Variants in FUT8 observed in about 807,000 individuals in gnomAD.
FUT8 encodes the protein alpha-(1,6)-fucosyltransferase.
In FUT8, 29 loss-of-function variants were observed where a neutral mutation model predicts 71.3. The ratio of observed to expected loss-of-function variants is 0.41; its 90% CI spans 0.30 to 0.55. The LOEUF (loss-of-function observed/expected upper bound fraction) is 0.55, where lower values mean the gene tolerates loss of function less well. Among genes scored for constraint, FUT8 ranks in the 20% least tolerant of loss-of-function variants. The pLI, the probability that FUT8 is intolerant of heterozygous loss-of-function variation, is 0.34. For synonymous variants in FUT8, 254 were observed against 239.3 expected (o/e 1.06, Z -0.57); for missense variants, 544 against 702.1 (o/e 0.77, Z 2.55).
chr14:65,535,327 C>G (rs1884235383), intron 2 of FUT8, among the ~76,000 whole-genome samples: 1 of 152,094 alleles, frequency 6.6e-6, no homozygotes. Flanking sequence ...TCTCGAACTC[C>G]TGGCCTCAAG....
intron 9 of FUT8, among the ~76,000 whole-genome samples, chr14:65,729,449 G>A (rs372360665): frequency 2.0e-5 from 3 of 151,694 alleles, no homozygotes; most frequent in South Asian, 2.1e-4. Flanking sequence ...ATGCTATGAC[G>A]TATGCCTAAA....
intron 1 of FUT8, among the ~76,000 whole-genome samples, chr14:65,428,636 G>C (rs1418511879): frequency 6.6e-6 from 1 of 152,204 alleles, no homozygotes; most frequent in Non-Finnish European, 1.5e-5. Context: ...ATCAAGATGG[G>C]TGATTAAACA....
intron 2 of FUT8, among the ~76,000 whole-genome samples, chr14:65,498,438 T>C (rs1441499580): frequency 1.3e-5 from 2 of 152,230 alleles, no homozygotes; most frequent in East Asian, 3.8e-4. Flanking sequence ...TCTGTAGTTT[T>C]GTTCATTATC....
chr14:65,403,665 A>G, the FUT8 span, among the ~76,000 whole-genome samples: 562 of 151,912 alleles, frequency 3.7e-3, 4 homozygotes, highest in East Asian at 0.036. Context: ...AAAGCTGAAC[A>G]TTGGAACTTT....
chr14:65,611,213 GCGCGCGCGCGCACACACACACACA>G (rs1566851016), intron 3 of FUT8, among the ~76,000 whole-genome samples: 2 of 6,248 alleles, frequency 3.2e-4, no homozygotes, highest in Non-Finnish European at 9.3e-4. Context: ...GCGCGCGCGC[GCGCGCGCGCGCACACACACACACA>G]CACACACACA....
chr14:65,490,909 C>T (rs149666614), intron 2 of FUT8, among the ~76,000 whole-genome samples: 204 of 152,242 alleles, frequency 1.3e-3, no homozygotes, highest in African/African-American at 4.4e-3. Context: ...CTTGGATTCT[C>T]ACCACAGTTT....
At chr14:65,589,053 A>G (rs890269259) in intron 3 of FUT8, among the ~76,000 whole-genome samples, 1 of 151,084 alleles carries the variant, frequency 6.6e-6, no homozygotes, top group Non-Finnish European at 1.5e-5. Flanking sequence ...TCTTTCCCCT[A>G]CTCCCTCCTT....
intron 3 of FUT8, among the ~76,000 whole-genome samples, chr14:65,572,929 A>G (rs544149240): frequency 1.6e-4 from 24 of 152,292 alleles, no homozygotes; most frequent in African/African-American, 5.3e-4. Flanking sequence ...TGTGAATAGC[A>G]TTTTCTTCAA....
At chr14:65,469,663 A>C (rs1382121605) in intron 2 of FUT8, among the ~76,000 whole-genome samples, 1 of 152,166 alleles carries the variant, frequency 6.6e-6, no homozygotes, top group African/African-American at 2.4e-5. Flanking sequence ...TGTCTCATCC[A>C]GTGTTCAGCT....
intron 7 of FUT8, among the ~76,000 whole-genome samples, chr14:65,712,907 A>G (rs1210954023): frequency 6.6e-6 from 1 of 152,216 alleles, no homozygotes; most frequent in African/African-American, 2.4e-5. Flanking sequence ...TTTATGTTAC[A>G]AACAATCCAA....
intron 1 of FUT8, among the ~76,000 whole-genome samples, chr14:65,436,009 GC>G (rs2065553052): frequency 6.7e-6 from 1 of 148,464 alleles, no homozygotes; most frequent in South Asian, 2.1e-4. Flanking sequence ...ACTCACTGTA[GC>G]CTCAGACGAC....
At chr14:65,695,455 A>T (rs1014850959) in intron 7 of FUT8, among the ~76,000 whole-genome samples, 1 of 152,008 alleles carries the variant, frequency 6.6e-6, no homozygotes, top group African/African-American at 2.4e-5. Flanking sequence ...TCATTTTTTT[A>T]AAAACTTTTT....
chr14:65,486,907 C>T (rs929852621), intron 2 of FUT8, among the ~76,000 whole-genome samples: 1 of 152,122 alleles, frequency 6.6e-6, no homozygotes, highest in African/African-American at 2.4e-5. Flanking sequence ...TTTTCTATTG[C>T]ATATTTCCCT....
At chr14:65,481,599 C>T (rs1298123592) in intron 2 of FUT8, among the ~76,000 whole-genome samples, 4 of 152,110 alleles carry the variant, frequency 2.6e-5, no homozygotes, top group Non-Finnish European at 2.9e-5. Flanking sequence ...CCCTTGTAAT[C>T]TTTTCCCCCA....
intron 2 of FUT8, among the ~76,000 whole-genome samples, chr14:65,513,089 C>G (rs1882472046): frequency 6.6e-6 from 1 of 151,990 alleles, no homozygotes. Context: ...GCTTCTTTCT[C>G]TAAACTTTAA....
Position 65,561,554 on chromosome 14 carries a change from A to G in FUT8, c.-10A>G. On this transcript the variant is annotated 5_prime_UTR_variant, in exon 3 of 11. Transcript: ENST00000673929. ...CCAGGACTCCAGGGAAGTGAGTTGA[A>G]AATCTGAAAATGCGGCCATGGACTG... is the stretch of plus-strand genomic sequence containing the variant. 1 of 1,612,896 alleles carries G rather than the reference A, an allele frequency of 6.2e-7. No homozygotes were observed. The highest frequency in any genetic ancestry group is 8.5e-7 in the Non-Finnish European group (1 of 1,179,326).
chr14:65,446,569 A>G lies in FUT8; in HGVS notation c.-325-9052A>G, dbSNP rs145449562. On this transcript the variant is annotated intron_variant, in intron 1 of 10. Transcript: ENST00000673929. ...CTTCATCACTGTTTGGTTATTAAATAGTATAATTCACAAGGAAAGCCAGGA... is the reference window on the plus strand; with the variant it reads ...CTTCATCACTGTTTGGTTATTAAATGGTATAATTCACAAGGAAAGCCAGGA... 9.9e-4 allele frequency among the ~76,000 whole-genome samples: 151 copies of G among 152,288 alleles called. 1 individual carries two copies. The highest frequency in any genetic ancestry group is 3.5e-3 in the African/African-American group (144 of 41,578).
the FUT8 span, among the ~76,000 whole-genome samples, chr14:65,361,806 A>G: frequency 6.8e-6 from 1 of 147,012 alleles, no homozygotes; most frequent in Non-Finnish European, 1.5e-5. Flanking sequence ...AAACAAACAA[A>G]CAAATAAATA....
chr14:65,626,016 G>C (rs1261256563), intron 5 of FUT8, among the ~76,000 whole-genome samples: 1 of 152,140 alleles, frequency 6.6e-6, no homozygotes, highest in African/African-American at 2.4e-5. Context: ...CATCTCTTAA[G>C]TGATTCCTTC....
Sources: gnomAD v4.1 joint callset for allele counts (sites outside exome capture counted in the v4.1 genomes callset) on GRCh38, gnomAD v4.1.1 for gene constraint, MANE v1.5 for transcripts, NCBI Gene and HGNC (gene_info 2026-07-23, HGNC 2026-07-21) for gene names.